Variants in QKI observed in about 807,000 individuals in gnomAD.
QKI encodes QKI, KH domain containing RNA binding, also known as KH domain-containing RNA-binding protein QKI.
QKI carries 10 observed loss-of-function variants against 39.0 expected under a neutral mutation model. The observed-to-expected ratio is 0.26, with a 90% CI of 0.16 to 0.43. The LOEUF (loss-of-function observed/expected upper bound fraction) is 0.43. Ranked by LOEUF, QKI falls within the 20% of genes least tolerant of loss-of-function variation. The probability of loss-of-function intolerance (pLI) is 1.00; values close to 1 mark genes in which losing one functional copy is unlikely to be tolerated. For missense variants in QKI, 218 were observed against 428.0 expected (o/e 0.51, Z 4.33); for synonymous variants, 204 against 155.4 (o/e 1.31, Z -2.33).
chr6:163,416,782 G>T (rs1358422136), intron 1 of QKI, among the ~76,000 whole-genome samples: 2 of 152,150 alleles, frequency 1.3e-5, no homozygotes, highest in Non-Finnish European at 2.9e-5. Context: ...GGCATTTTCC[G>T]CTGTTGGAAC....
At chr6:163,536,017 T>C (rs1781181433) in intron 4 of QKI, among the ~76,000 whole-genome samples, 1 of 152,230 alleles carries the variant, frequency 6.6e-6, no homozygotes, top group African/African-American at 2.4e-5. Flanking sequence ...TTATGGTTCC[T>C]GCTGCTTTTT....
intron 3 of QKI, among the ~76,000 whole-genome samples, chr6:163,507,587 C>T (rs539069676): frequency 6.6e-6 from 1 of 152,248 alleles, no homozygotes; most frequent in East Asian, 1.9e-4. Context: ...ACGGGAATCC[C>T]CAAATTGTAG....
At chr6:163,566,184 A>G (rs910460461) in intron 6 of QKI, 11 of 1,354,466 alleles carry the variant, frequency 8.1e-6, no homozygotes, top group Non-Finnish European at 1.0e-5. Flanking sequence ...GTATAGTAGT[A>G]TACTGACTGC....
At position 163,577,220 on chromosome 6, in the gene QKI, C is replaced by G. The variant is rs1352962839; in HGVS notation, c.*6510C>G. ...TCCAAGTACCTCTGGCTCCTTTCCT[C>G]TTGCTCACCGGAACCTTAGTTTTCC... is the stretch of plus-strand genomic sequence containing the variant. On this transcript the variant is annotated 3_prime_UTR_variant, in exon 8 of 8. Coordinates refer to ENST00000361752, the MANE Select transcript of QKI (RefSeq NM_006775.3). 1 of 152,086 alleles carries G rather than the reference C, an allele frequency of 6.6e-6. No homozygotes were observed. The highest frequency in any genetic ancestry group is 2.4e-5 in the African/African-American group (1 of 41,410). The allele number at this position is 152,086 out of a possible 1,614,324, so 9.4% of individuals were successfully genotyped here. A position where few individuals can be genotyped will look rare whatever the true frequency, so the allele number is the denominator to read the frequency against.
intron 3 of QKI, among the ~76,000 whole-genome samples, chr6:163,502,704 G>A (rs1392376305): frequency 6.6e-6 from 1 of 152,062 alleles, no homozygotes; most frequent in African/African-American, 2.4e-5. Flanking sequence ...TGTTTATTTG[G>A]TGGTATTCCA....
intron 4 of QKI, among the ~76,000 whole-genome samples, chr6:163,557,116 A>G (rs952325077): frequency 4.6e-5 from 7 of 152,238 alleles, no homozygotes; most frequent in African/African-American, 4.8e-5. Flanking sequence ...GATAAATAAC[A>G]TACTACTCAG....
intron 7 of QKI, chr6:163,567,513 A>G: frequency 6.1e-6 from 6 of 984,310 alleles, no homozygotes; most frequent in Non-Finnish European, 7.2e-6. Context: ...TATGAGATCC[A>G]GCTGTGTGAA....
intron 4 of QKI, among the ~76,000 whole-genome samples, chr6:163,538,506 T>G (rs924568920): frequency 6.6e-6 from 1 of 150,706 alleles, no homozygotes; most frequent in African/African-American, 2.4e-5. Context: ...CAGTAGGAGG[T>G]GAGGTCGGTG....
intron 4 of QKI, among the ~76,000 whole-genome samples, chr6:163,548,290 G>T (rs1164837851): frequency 1.3e-5 from 2 of 151,910 alleles, no homozygotes; most frequent in African/African-American, 4.8e-5. Context: ...AGTGATCAGT[G>T]TTTGTTGAAT....
intron 1 of QKI, among the ~76,000 whole-genome samples, chr6:163,418,914 T>C (rs1179015556): frequency 6.6e-6 from 1 of 152,058 alleles, no homozygotes; most frequent in African/African-American, 2.4e-5. Context: ...TAAAAGCTGA[T>C]TTTGAGTTTT....
At chr6:163,554,901 G>A (rs1465525133) in intron 4 of QKI, among the ~76,000 whole-genome samples, 1 of 152,158 alleles carries the variant, frequency 6.6e-6, no homozygotes, top group Non-Finnish European at 1.5e-5. Context: ...CCACAAAATA[G>A]CACAGTGAGG....
rs185508568 is a variant in QKI at position 163,472,877 on chromosome 6, A to G, written c.286-5903A>G. ...GAGGTATATGTAAAGCTTTAGATGTATATGTTAGAAAAGAAGGAATACAAT... is the reference window on the plus strand; with the variant it reads ...GAGGTATATGTAAAGCTTTAGATGTGTATGTTAGAAAAGAAGGAATACAAT... On this transcript the variant is annotated intron_variant, in intron 2 of 7. Transcript: ENST00000361752. Among the ~76,000 whole-genome samples, 536 of 152,298 alleles carry G rather than the reference A, an allele frequency of 3.5e-3. 1 individual carries two copies. Among genetic ancestry groups the G allele is most frequent in the Non-Finnish European group, 5.2e-3 (353 of 68,010 alleles).
At chr6:163,475,478 A>C (rs1792517963) in intron 2 of QKI, among the ~76,000 whole-genome samples, 4 of 152,120 alleles carry the variant, frequency 2.6e-5, no homozygotes, top group Non-Finnish European at 5.9e-5. Context: ...CAAATATGAC[A>C]CCGTTTTATA....
At chr6:163,471,301 A>G (rs1225098228) in intron 2 of QKI, among the ~76,000 whole-genome samples, 1 of 152,178 alleles carries the variant, frequency 6.6e-6, no homozygotes, top group Non-Finnish European at 1.5e-5. Flanking sequence ...AGAGTTCATT[A>G]CTAGAAGACG....
At chr6:163,565,529 C>A in intron 6 of QKI, 1 of 989,836 alleles carries the variant, frequency 1.0e-6, no homozygotes, top group Non-Finnish European at 1.2e-6. Context: ...TGTAAAGCTT[C>A]ATGTCTTTTG....
At chr6:163,507,471 T>G (rs1779168903) in intron 3 of QKI, among the ~76,000 whole-genome samples, 1 of 152,166 alleles carries the variant, frequency 6.6e-6, no homozygotes, top group Non-Finnish European at 1.5e-5. Flanking sequence ...TGAATACTAG[T>G]TTTCCTGGCT....
chr6:163,488,190 T>G (rs1235289192), intron 3 of QKI, among the ~76,000 whole-genome samples: 1 of 152,178 alleles, frequency 6.6e-6, no homozygotes, highest in Non-Finnish European at 1.5e-5. Context: ...CTAAATCTTT[T>G]CAACATAATC....
At chr6:163,464,931 TCAA>T (rs1413415309) in intron 2 of QKI, among the ~76,000 whole-genome samples, 1 of 152,106 alleles carries the variant, frequency 6.6e-6, no homozygotes, top group Admixed American at 6.5e-5. Flanking sequence ...GCAAAAATCC[TCAA>T]CAAAATACTA....
intron 4 of QKI, among the ~76,000 whole-genome samples, chr6:163,547,970 A>G (rs1197951299): frequency 6.6e-6 from 1 of 152,164 alleles, no homozygotes; most frequent in Non-Finnish European, 1.5e-5. Context: ...ACATGTGCCT[A>G]CTTTTCCAAC....
Sources: gnomAD v4.1 joint callset for allele counts (sites outside exome capture counted in the v4.1 genomes callset) on GRCh38, gnomAD v4.1.1 for gene constraint, MANE v1.5 for transcripts, NCBI Gene and HGNC (gene_info 2026-07-23, HGNC 2026-07-21) for gene names.